PRKAG2: variants seen among roughly 807,000 people sequenced by gnomAD.
PRKAG2 encodes the protein 5'-AMP-activated protein kinase subunit gamma-2.
PRKAG2 carries 26 observed loss-of-function variants against 69.6 expected under a neutral mutation model. The ratio of observed to expected loss-of-function variants is 0.37; its 90% confidence interval spans 0.27 to 0.52. The LOEUF is 0.52. Ranked by LOEUF, PRKAG2 falls within the 20% of genes least tolerant of loss-of-function variation. The pLI, the probability that PRKAG2 is intolerant of heterozygous loss-of-function variation, is 0.90. For missense variants in PRKAG2, 557 were observed against 740.0 expected, an observed-to-expected ratio of 0.75 and a Z score of 2.87; for synonymous variants, 293 against 285.0, an observed-to-expected ratio of 1.03 and a Z score of -0.28.
intron 1 of PRKAG2, among the ~76,000 whole-genome samples, chr7:151,833,461 G>A (rs1407886970): frequency 2.6e-5 from 4 of 152,190 alleles, no homozygotes; most frequent in Non-Finnish European, 5.9e-5. Flanking sequence ...GGAGGGCCCT[G>A]GGGAAGTCTG....
At chr7:151,802,963 T>TATATATA (rs377439990) in intron 1 of PRKAG2, among the ~76,000 whole-genome samples, 9 of 108,662 alleles carry the variant, frequency 8.3e-5, no homozygotes, top group Admixed American at 3.5e-4. Flanking sequence ...TATATATATA[T>TATATATA]TTTTTTTTTT....
intron 3 of PRKAG2, among the ~76,000 whole-genome samples, chr7:151,718,624 A>C (rs1028635428): frequency 4.1e-5 from 6 of 146,522 alleles, no homozygotes; most frequent in African/African-American, 1.3e-4. Flanking sequence ...AAAAAAAAAA[A>C]AAAAACCCAA....
intron 3 of PRKAG2, among the ~76,000 whole-genome samples, chr7:151,760,626 G>A (rs979257129): frequency 6.6e-6 from 1 of 152,168 alleles, no homozygotes; most frequent in African/African-American, 2.4e-5. Flanking sequence ...CCAGACCTCT[G>A]AGTGGCTCTC....
At chr7:151,584,070 G>A (rs555794801) in intron 6 of PRKAG2, among the ~76,000 whole-genome samples, 5 of 152,210 alleles carry the variant, frequency 3.3e-5, no homozygotes, top group South Asian at 2.1e-4. Flanking sequence ...TCTGAAATAC[G>A]GTCGTCGAGA....
At chr7:151,813,259 C>T (rs2078514165) in intron 1 of PRKAG2, among the ~76,000 whole-genome samples, 2 of 152,184 alleles carry the variant, frequency 1.3e-5, no homozygotes, top group South Asian at 4.1e-4. Context: ...CCAACACCTA[C>T]AATCCGTAAC....
chr7:151,875,086 A>C lies in PRKAG2; in HGVS notation c.114+1421T>G, dbSNP rs115541341. ...CTTTTAACTCACGAACATGGTTTTA[A>C]ATGTCTTACATGAGAGATGTAAACA... is the stretch of plus-strand genomic sequence containing the variant. On this transcript the variant is annotated intron_variant, in intron 1 of 15. Transcript: ENST00000287878. 4.7e-3 allele frequency among the ~76,000 whole-genome samples: 718 copies of C among 152,374 alleles called. 2 individuals are homozygous for C. Among genetic ancestry groups the C allele is most frequent in the African/African-American group, 0.016 (672 of 41,592 alleles).
At chr7:151,687,242 T>C (rs1459905582) in intron 3 of PRKAG2, among the ~76,000 whole-genome samples, 1 of 152,158 alleles carries the variant, frequency 6.6e-6, no homozygotes, top group Non-Finnish European at 1.5e-5. Context: ...GAGTTCTACA[T>C]CATGGACCCA....
intron 1 of PRKAG2, among the ~76,000 whole-genome samples, chr7:151,805,524 G>A (rs2078057949): frequency 6.6e-6 from 1 of 152,176 alleles, no homozygotes; most frequent in Admixed American, 6.5e-5. Context: ...GTGATCTTGT[G>A]ACTATGTAAC....
At chr7:151,643,482 C>T (rs1255512496) in intron 4 of PRKAG2, among the ~76,000 whole-genome samples, 1 of 152,174 alleles carries the variant, frequency 6.6e-6, no homozygotes, top group Admixed American at 6.5e-5. Flanking sequence ...TGGGTGGAAG[C>T]TCTATTCCTA....
chr7:151,787,073 G>T (rs1397562819), intron 1 of PRKAG2, among the ~76,000 whole-genome samples: 1 of 152,176 alleles, frequency 6.6e-6, no homozygotes, highest in African/African-American at 2.4e-5. Flanking sequence ...CACACTTACT[G>T]TGTCTGAAAC....
intron 1 of PRKAG2, among the ~76,000 whole-genome samples, chr7:151,833,596 C>G (rs570932349): frequency 6.6e-6 from 1 of 152,194 alleles, no homozygotes; most frequent in Non-Finnish European, 1.5e-5. Context: ...ATGGACGCTC[C>G]AGAAACCCAT....
intron 3 of PRKAG2, among the ~76,000 whole-genome samples, chr7:151,764,974 GA>G (rs1344105201): frequency 6.6e-6 from 1 of 152,242 alleles, no homozygotes; most frequent in African/African-American, 2.4e-5. Flanking sequence ...AGCTTTCCTG[GA>G]CATTTGCTGT....
intron 3 of PRKAG2, among the ~76,000 whole-genome samples, chr7:151,773,090 G>T (rs1586427711): frequency 1.3e-5 from 1 of 77,502 alleles, no homozygotes; most frequent in African/African-American, 5.5e-5. Flanking sequence ...AGGGAGGGAG[G>T]GAGGGAAGGG....
chr7:151,642,543 T>G (rs991797991), intron 4 of PRKAG2, among the ~76,000 whole-genome samples: 1 of 152,148 alleles, frequency 6.6e-6, no homozygotes, highest in African/African-American at 2.4e-5. Context: ...CAAAAAGAAG[T>G]GTATTAATTC....
intron 4 of PRKAG2, among the ~76,000 whole-genome samples, chr7:151,669,806 GCA>G (rs531455865): frequency 0.019 from 1,730 of 88,954 alleles, 24 homozygotes; most frequent in African/African-American, 0.056. Flanking sequence ...GCACACACTT[GCA>G]CACACACACA....
intron 1 of PRKAG2, among the ~76,000 whole-genome samples, chr7:151,848,964 AG>A (rs1231831193): frequency 6.6e-6 from 1 of 152,212 alleles, no homozygotes; most frequent in Non-Finnish European, 1.5e-5. Context: ...AGAGTTGGGG[AG>A]GCCAGCCACC....
At chr7:151,659,569 G>A (rs1311902202) in intron 4 of PRKAG2, among the ~76,000 whole-genome samples, 2 of 152,218 alleles carry the variant, frequency 1.3e-5, no homozygotes, top group Admixed American at 6.5e-5. Context: ...AGACAGATGC[G>A]TGTGAAACTA....
At chr7:151,838,658 G>T (rs963149559) in intron 1 of PRKAG2, among the ~76,000 whole-genome samples, 1 of 147,582 alleles carries the variant, frequency 6.8e-6, no homozygotes, top group Non-Finnish European at 1.5e-5. Flanking sequence ...AGTGAGCTGT[G>T]TTTGCTCCAC....
At chr7:151,762,426 GGCACAAGAAGCCT>G (rs2151760306) in intron 3 of PRKAG2, among the ~76,000 whole-genome samples, 1 of 152,308 alleles carries the variant, frequency 6.6e-6, no homozygotes, top group South Asian at 2.1e-4. Flanking sequence ...CAGGTAGGCA[GGCACAAGAAGCCT>G]AGCTGTGGCC....
Sources: gnomAD v4.1 joint callset for allele counts (sites outside exome capture counted in the v4.1 genomes callset) on GRCh38, gnomAD v4.1.1 for gene constraint, MANE v1.5 for transcripts, NCBI Gene and HGNC (gene_info 2026-07-23, HGNC 2026-07-21) for gene names.